The following CSMD2 variants were observed in gnomAD, a reference collection of about 807,000 sequenced individuals.
CSMD2 encodes the protein CUB and Sushi multiple domains 2.
A neutral mutation model predicts 398.5 loss-of-function variants in CSMD2; 130 were observed. The ratio of observed to expected loss-of-function variants is 0.33; its 90% confidence interval spans 0.28 to 0.38. The LOEUF (loss-of-function observed/expected upper bound fraction) is 0.38, where lower values mean the gene tolerates loss of function less well. Ranked by LOEUF, CSMD2 falls within the 10% of genes least tolerant of loss-of-function variation. The pLI is 1.00. For missense variants in CSMD2, 3,829 were observed against 4,764.9 expected, an observed-to-expected ratio of 0.80 and a Z score of 5.78; for synonymous variants, 1,828 against 1,908.5, an observed-to-expected ratio of 0.96 and a Z score of 1.10.
chr1:34,147,914 G>A (rs192040864), intron 1 of CSMD2, among the ~76,000 whole-genome samples: 211 of 152,268 alleles, frequency 1.4e-3, no homozygotes, highest in Non-Finnish European at 2.4e-3. Flanking sequence ...GAGAGTGAGC[G>A]GGTGAGGCTG....
chr1:33,600,516 G>A, intron 44 of CSMD2: 1 of 501,122 alleles, frequency 2.0e-6, no homozygotes, highest in Non-Finnish European at 3.5e-6. Context: ...CTTTGGAGAA[G>A]GAGAACCCGC....
rs1026148015 is a variant in CSMD2 at position 33,518,870 on chromosome 1, C to T, written c.*53+595G>A. On this transcript the variant is annotated intron_variant, in intron 70 of 70. Coordinates refer to ENST00000373381, the MANE Select transcript of CSMD2 (RefSeq NM_001281956.2). This position sits in a 1 kb window ranked among gnomAD's most constrained non-coding sequence, Gnocchi z 4.3. ...TATATAACATTTACATATAGCTCTA[C>T]GGAGATGCGTATCTATATATAGATG... Among the ~76,000 whole-genome samples the T allele has an allele frequency of 1.1e-4, 16 of 152,054 alleles. No homozygotes were observed. Among genetic ancestry groups the T allele is most frequent in the African/African-American group, 3.1e-4 (13 of 41,354 alleles).
intron 3 of CSMD2, among the ~76,000 whole-genome samples, chr1:34,021,470 G>C (rs574991859): frequency 6.6e-6 from 1 of 152,140 alleles, no homozygotes. Context: ...GTGGTTCTTC[G>C]GTACCAAGGG....
At chr1:34,000,161 A>G (rs1646854986) in intron 3 of CSMD2, among the ~76,000 whole-genome samples, 1 of 152,192 alleles carries the variant, frequency 6.6e-6, no homozygotes. Flanking sequence ...TCAGACCTTC[A>G]GCGAAATTTT....
At chr1:34,061,489 T>TG (rs5773449) in intron 2 of CSMD2, among the ~76,000 whole-genome samples, 1,749 of 152,230 alleles carry the variant, frequency 0.011, 33 homozygotes, top group African/African-American at 0.039. Context: ...ACTGCTTCTC[T>TG]GCTATCTGTG....
intron 2 of CSMD2, among the ~76,000 whole-genome samples, chr1:34,073,715 T>C (rs1655994301): frequency 1.3e-5 from 2 of 152,258 alleles, no homozygotes; most frequent in East Asian, 1.9e-4. Flanking sequence ...CATTTTGGTA[T>C]AGTGGGGGAA....
At chr1:33,674,632 C>T (rs1644635058) in intron 25 of CSMD2, among the ~76,000 whole-genome samples, 1 of 152,200 alleles carries the variant, frequency 6.6e-6, no homozygotes, top group South Asian at 2.1e-4. Flanking sequence ...CAGAACTCTC[C>T]ACCCCAAATC....
At position 33,533,495 on chromosome 1, in the gene CSMD2, G is replaced by A. The variant is rs1171481989; in HGVS notation, c.9992-266C>T. 6.6e-6 allele frequency among the ~76,000 whole-genome samples: 1 copy of A among 152,176 alleles called. No individual in the cohort carries two copies. Among genetic ancestry groups the A allele is most frequent in the African/African-American group, 2.4e-5 (1 of 41,432 alleles). On this transcript the variant is annotated intron_variant, in intron 63 of 70. Coordinates refer to ENST00000373381, the MANE Select transcript of CSMD2 (RefSeq NM_001281956.2). This position sits in a 1 kb window ranked among gnomAD's most constrained non-coding sequence, Gnocchi z 4.2. Reference sequence around the variant, plus strand: ...GCAGCACTTCCTGAGGGGTAAAGGAGTAACTGGGTCAAAAGCTTGATATCT... The same window carrying A: ...GCAGCACTTCCTGAGGGGTAAAGGAATAACTGGGTCAAAAGCTTGATATCT...
intron 37 of CSMD2, among the ~76,000 whole-genome samples, chr1:33,619,970 T>C (rs998129498): frequency 5.3e-5 from 8 of 152,254 alleles, no homozygotes; most frequent in Middle Eastern, 3.4e-3. Context: ...AAAGACCTAC[T>C]TACTGTCCAG....
chr1:33,898,471 A>G (rs548113140), intron 5 of CSMD2, among the ~76,000 whole-genome samples: 15 of 152,208 alleles, frequency 9.9e-5, no homozygotes, highest in Non-Finnish European at 2.2e-4. Flanking sequence ...CTTTTGCCTA[A>G]TTGGATCTTT....
intron 29 of CSMD2, among the ~76,000 whole-genome samples, chr1:33,641,120 C>G (rs949904956): frequency 2.0e-5 from 3 of 152,184 alleles, no homozygotes; most frequent in Admixed American, 6.5e-5. Context: ...TCAGAGAGGC[C>G]TTCACAGCAA....
At chr1:33,906,651 T>G (rs1449569048) in intron 5 of CSMD2, among the ~76,000 whole-genome samples, 1 of 152,112 alleles carries the variant, frequency 6.6e-6, no homozygotes, top group Non-Finnish European at 1.5e-5. Context: ...GACTGATGAT[T>G]TTATGGGTCA....
At chr1:33,583,411 T>C (rs1638864334) in intron 47 of CSMD2, among the ~76,000 whole-genome samples, 1 of 152,088 alleles carries the variant, frequency 6.6e-6, no homozygotes, top group Admixed American at 6.5e-5. Flanking sequence ...GAGTGGGAGC[T>C]AGAGTAAGAA....
Position 33,605,362 on chromosome 1 carries a change from T to A in CSMD2, c.6452A>T (p.Tyr2151Phe), listed in dbSNP as rs141324421. ...GAGGACAGGGTGGCCAGTCAATTGA[T>A]ACCCCGGGAGGCACTCGAAGGTCAC... Reference protein sequence around the residue: ...QSVTFECLPGYQLTGHPVLTC... With the variant: ...QSVTFECLPGFQLTGHPVLTC... The change falls in exon 42 of 71, where the codon TAT becomes TTT. Residue 2151 changes from tyrosine (Y) to phenylalanine (F), a missense_variant. This residue lies in a region of CSMD2 where 723 missense variants were observed against 758.6 expected (regional missense o/e 0.95). Coordinates refer to ENST00000373381, the MANE Select transcript of CSMD2 (RefSeq NM_001281956.2). 3 of 1,614,182 alleles carry A rather than the reference T, an allele frequency of 1.9e-6. No homozygotes were observed. The highest frequency in any genetic ancestry group is 2.5e-6 in the Non-Finnish European group (3 of 1,180,028).
intron 13 of CSMD2, among the ~76,000 whole-genome samples, chr1:33,756,752 G>C (rs16835832): frequency 0.031 from 4,607 of 146,694 alleles, 90 homozygotes; most frequent in African/African-American, 0.053. Context: ...AAAATCATGA[G>C]AGTCCAGGGA....
In CSMD2 at chr1:34,164,609, C is replaced by T. The variant is rs1449818411; in HGVS notation, c.187+302G>A. ...GGCTGGAGAAACTGAAGCCACAGAC[C>T]AGGTGCCCCGCAACCCCGGGCGGGG... On this transcript the variant is annotated intron_variant, in intron 1 of 70. Transcript: ENST00000373381. The surrounding 1 kb of genome is among the most constrained non-coding windows in gnomAD (Gnocchi z 6.2). Among the ~76,000 whole-genome samples the T allele has an allele frequency of 1.3e-5, 2 of 152,078 alleles. No individual in the cohort carries two copies. The highest frequency in any genetic ancestry group is 4.8e-5 in the African/African-American group (2 of 41,426).
intron 44 of CSMD2, among the ~76,000 whole-genome samples, chr1:33,594,106 G>A (rs1424504498): frequency 1.3e-5 from 2 of 152,084 alleles, no homozygotes; most frequent in Admixed American, 1.3e-4. Flanking sequence ...GAATCCATAT[G>A]TTCCATTATT....
At chr1:33,689,268 G>A (rs1481344930) in intron 25 of CSMD2, among the ~76,000 whole-genome samples, 1 of 152,172 alleles carries the variant, frequency 6.6e-6, no homozygotes, top group African/African-American at 2.4e-5. Context: ...CCATCTTTCT[G>A]CAGCTCTCAG....
chr1:34,107,491 G>A (rs1287912495), intron 1 of CSMD2, among the ~76,000 whole-genome samples: 1 of 152,090 alleles, frequency 6.6e-6, no homozygotes, highest in South Asian at 2.1e-4. Flanking sequence ...CATAGGTAAG[G>A]AAACTGAGGT....
Sources: gnomAD v4.1 joint callset for allele counts (sites outside exome capture counted in the v4.1 genomes callset) on GRCh38, gnomAD v4.1.1 for gene constraint, gnomAD v4.1.1 regional missense constraint, Gnocchi (gnomAD v3.1) non-coding constraint, MANE v1.5 for transcripts, NCBI Gene and HGNC (gene_info 2026-07-23, HGNC 2026-07-21) for gene names.